Variants in SHANK2 observed in about 807,000 individuals in gnomAD.
SHANK2 encodes SH3 and multiple ankyrin repeat domains protein 2.
A neutral mutation model predicts 133.7 loss-of-function variants in SHANK2; 43 were observed. The ratio of observed to expected loss-of-function variants is 0.32; its 90% CI spans 0.25 to 0.41. The LOEUF (loss-of-function observed/expected upper bound fraction) is 0.41. SHANK2 is among the 10% of genes least tolerant of loss of function. The pLI is 1.00. For missense variants in SHANK2, 1,994 were observed against 2,235.8 expected, an observed-to-expected ratio of 0.89 and a Z score of 2.18; for synonymous variants, 1,017 against 952.8, an observed-to-expected ratio of 1.07 and a Z score of -1.24.
chr11:70,902,349 A>C (rs781826153), intron 10 of SHANK2, among the ~76,000 whole-genome samples: 1 of 152,228 alleles, frequency 6.6e-6, no homozygotes, highest in Non-Finnish European at 1.5e-5. Context: ...CTCAAAGGAA[A>C]GGGAGGGGCG....
chr11:70,624,873 T>G (rs1314582927), intron 17 of SHANK2, among the ~76,000 whole-genome samples: 1 of 152,172 alleles, frequency 6.6e-6, no homozygotes, highest in Non-Finnish European at 1.5e-5. Context: ...GAGCCTGGTC[T>G]CTATCGGCTC....
rs193252404 is a variant in SHANK2, at chr11:70,791,411, T to C, written c.1777+7032A>G. 1.2e-4 allele frequency among the ~76,000 whole-genome samples: 19 copies of C among 152,254 alleles called. No homozygotes were observed. In the East Asian group the frequency reaches 3.7e-3, roughly 29 times the overall value. The stretch of plus-strand genomic sequence containing the variant: ...TCTCCTCTTGCATATAATAACAACA[T>C]AGTCATATGTGGCACTTAGCTCTCA... On this transcript the variant is annotated intron_variant, in intron 14 of 25. Coordinates refer to ENST00000601538, the MANE Select transcript of SHANK2 (RefSeq NM_012309.5).
chr11:70,644,145 A>T (rs2061227711), intron 17 of SHANK2, among the ~76,000 whole-genome samples: 1 of 152,244 alleles, frequency 6.6e-6, no homozygotes, highest in Admixed American at 6.5e-5. Context: ...TTGCTTTTTT[A>T]AAAATTCCAA....
rs555218781 is a variant in SHANK2, at chr11:71,175,551, GGAGAGAGAGAGAGAGAGA to G, written c.-12-28231_-12-28214del. On this transcript the variant is annotated intron_variant, in intron 2 of 25. Coordinates refer to ENST00000601538, the MANE Select transcript of SHANK2 (RefSeq NM_012309.5). This position sits in a 1 kb window ranked among gnomAD's most constrained non-coding sequence, Gnocchi z 4.2. ...CAGACAGACAGAGGGAGAGGGAGAG[GGAGAGAGAGAGAGAGAGA>G]GAGAGAGAGAGAGAGAGAGAGAGAG... is the stretch of plus-strand genomic sequence containing the variant. Among the ~76,000 whole-genome samples the G allele has an allele frequency of 3.2e-4, 13 of 40,650 alleles. No homozygotes were observed. The highest frequency in any genetic ancestry group is 1.1e-3 in the African/African-American group (13 of 12,204). 26.7% of individuals were successfully genotyped at this position (40,650 alleles called of 152,430 possible).
intron 25 of SHANK2, chr11:70,474,287 G>C (rs2058635268): frequency 6.6e-6 from 1 of 152,418 alleles, no homozygotes; most frequent in South Asian, 2.1e-4. Context: ...GAACGCGTGA[G>C]GAGCCCTGTC....
At chr11:70,922,320 AG>A (rs2135765177) in intron 10 of SHANK2, among the ~76,000 whole-genome samples, 1 of 7,154 alleles carries the variant, frequency 1.4e-4, no homozygotes, top group Non-Finnish European at 7.7e-3. Context: ...AAATCCTAGA[AG>A]GAGAGATGAA....
intron 3 of SHANK2, among the ~76,000 whole-genome samples, chr11:71,133,502 A>T (rs1471065439): frequency 6.7e-6 from 1 of 148,330 alleles, no homozygotes; most frequent in Non-Finnish European, 1.5e-5. Context: ...GGACGGATGG[A>T]TGGCAGGCAG....
intron 4 of SHANK2, among the ~76,000 whole-genome samples, chr11:71,115,383 C>T (rs1004771932): frequency 1.3e-5 from 2 of 152,112 alleles, no homozygotes; most frequent in African/African-American, 2.4e-5. Flanking sequence ...GCACAAGAAT[C>T]GCTTGAACCC....
At chr11:70,504,087 C>T (rs976890621) in intron 17 of SHANK2, among the ~76,000 whole-genome samples, 9 of 152,232 alleles carry the variant, frequency 5.9e-5, no homozygotes, top group African/African-American at 2.2e-4. Flanking sequence ...AAGTTTACAG[C>T]TGCTTCACAC....
At chr11:70,867,833 G>A (rs1351148442) in intron 11 of SHANK2, among the ~76,000 whole-genome samples, 7 of 152,150 alleles carry the variant, frequency 4.6e-5, no homozygotes, top group African/African-American at 7.2e-5. Context: ...CAGGTCCACC[G>A]CCTCCACTGC....
chr11:70,631,455 C>T (rs2060990015), intron 17 of SHANK2, among the ~76,000 whole-genome samples: 1 of 151,868 alleles, frequency 6.6e-6, no homozygotes, highest in South Asian at 2.1e-4. Flanking sequence ...AAAACCATGT[C>T]CCTGGTCCTT....
At chr11:70,718,039 A>G (rs1287399467) in intron 14 of SHANK2, among the ~76,000 whole-genome samples, 2 of 152,046 alleles carry the variant, frequency 1.3e-5, no homozygotes, top group Admixed American at 6.5e-5. Context: ...TGTACCAGGG[A>G]CTTTTTTTTC....
rs1337598446 is a variant in SHANK2 at position 70,569,550 on chromosome 11, TGCCGCA to T, written c.2062-66625_2062-66620del. ...CGCTTCCCCATCTTACCTCTGCTGG[TGCCGCA>T]GCCCTCTCCTTTCTGTGGCCCCTCC... On this transcript the variant is annotated intron_variant, in intron 17 of 25. Coordinates refer to ENST00000601538, the MANE Select transcript of SHANK2 (RefSeq NM_012309.5). The surrounding 1 kb of genome is among the most constrained non-coding windows in gnomAD (Gnocchi z 5.1). Among the ~76,000 whole-genome samples the T allele has an allele frequency of 2.0e-5, 3 of 152,084 alleles. No individual in the cohort carries two copies. The highest frequency in any genetic ancestry group is 4.4e-5 in the Non-Finnish European group (3 of 68,002).
intron 15 of SHANK2, among the ~76,000 whole-genome samples, chr11:70,695,067 G>A (rs1330954623): frequency 6.6e-6 from 1 of 152,110 alleles, no homozygotes; most frequent in African/African-American, 2.4e-5. Flanking sequence ...CCATCATCCT[G>A]AATACGTCAG....
chr11:70,594,057 C>T (rs782519984), intron 17 of SHANK2, among the ~76,000 whole-genome samples: 20 of 152,130 alleles, frequency 1.3e-4, no homozygotes, highest in Non-Finnish European at 2.6e-4. Flanking sequence ...TAGGCACTGC[C>T]GTGTTGGAGC....
intron 8 of SHANK2, among the ~76,000 whole-genome samples, chr11:71,080,176 C>T (rs1951278966): frequency 6.6e-6 from 1 of 152,058 alleles, no homozygotes; most frequent in African/African-American, 2.4e-5. Context: ...TTGACACCTG[C>T]ACCCCGTACC....
intron 2 of SHANK2, among the ~76,000 whole-genome samples, chr11:71,191,233 G>T (rs1953786015): frequency 6.6e-6 from 1 of 152,110 alleles, no homozygotes; most frequent in Non-Finnish European, 1.5e-5. Context: ...CCCCATCCAT[G>T]CTATGTCTTT....
intron 10 of SHANK2, among the ~76,000 whole-genome samples, chr11:70,908,309 G>A (rs1054312315): frequency 5.3e-4 from 81 of 152,100 alleles, no homozygotes; most frequent in African/African-American, 1.9e-3. Flanking sequence ...CATGGGCCTC[G>A]CTGTTGGCTG....
chr11:70,854,479 C>T (rs1352766164), intron 11 of SHANK2, among the ~76,000 whole-genome samples: 1 of 152,200 alleles, frequency 6.6e-6, no homozygotes, highest in African/African-American at 2.4e-5. Context: ...GATTCCACCC[C>T]CAGTGGCCCA....
Sources: gnomAD v4.1 joint callset for allele counts (sites outside exome capture counted in the v4.1 genomes callset) on GRCh38, gnomAD v4.1.1 for gene constraint, Gnocchi (gnomAD v3.1) non-coding constraint, MANE v1.5 for transcripts, NCBI Gene and HGNC (gene_info 2026-07-23, HGNC 2026-07-21) for gene names.